Variants in DLGAP2 observed in about 807,000 individuals in gnomAD.
DLGAP2 encodes the protein DLG associated protein 2.
Under a neutral mutation model 100.3 loss-of-function variants are expected in DLGAP2, and 26 were observed. The observed-to-expected ratio is 0.26, with a 90% CI of 0.19 to 0.36. The LOEUF is 0.36. DLGAP2 is among the 10% of genes least tolerant of loss of function. The pLI, the probability that DLGAP2 is intolerant of heterozygous loss-of-function variation, is 1.00. For synonymous variants in DLGAP2, 886 were observed against 630.1 expected, an observed-to-expected ratio of 1.41 and a Z score of -6.08; for missense variants, 1,858 against 1,453.2, an observed-to-expected ratio of 1.28 and a Z score of -4.53.
chr8:1,506,198 A>G (rs1309273701), intron 4 of DLGAP2, among the ~76,000 whole-genome samples: 2 of 152,266 alleles, frequency 1.3e-5, no homozygotes, highest in African/African-American at 2.4e-5. Context: ...CTTGTCTCAC[A>G]GGAATTCCCC....
chr8:1,483,769 A>ACCAGGAAGGCAGGTGCAGAATG (rs1563176118), intron 3 of DLGAP2, among the ~76,000 whole-genome samples: 24 of 81,194 alleles, frequency 3.0e-4, no homozygotes, highest in African/African-American at 9.7e-4. Context: ...TGTGCAGGAC[A>ACCAGGAAGGCAGGTGCAGAATG]TGGGGACCAG....
intron 3 of DLGAP2, chr8:1,301,349 G>C (rs974931836): frequency 6.6e-6 from 1 of 152,232 alleles, no homozygotes; most frequent in East Asian, 1.9e-4. Flanking sequence ...GAGCTCCGGG[G>C]CCTAGGAGGC....
At chr8:753,571 C>G (rs1340543978) in intron 1 of DLGAP2, 1 of 152,240 alleles carries the variant, frequency 6.6e-6, no homozygotes, top group Admixed American at 6.5e-5. Flanking sequence ...GAGGGAGGCA[C>G]AGATGCCTGG....
intron 3 of DLGAP2, among the ~76,000 whole-genome samples, chr8:1,308,653 C>G (rs186724200): frequency 8.5e-5 from 13 of 152,214 alleles, no homozygotes; most frequent in African/African-American, 2.9e-4. Context: ...AGCCTCCTGA[C>G]TAGTTGGGAC....
chr8:1,250,557 T>G (rs1799016794), intron 2 of DLGAP2: 1 of 152,160 alleles, frequency 6.6e-6, no homozygotes, highest in African/African-American at 2.4e-5. Context: ...TGCGCTCACA[T>G]GAGGATCCTG....
intron 3 of DLGAP2, among the ~76,000 whole-genome samples, chr8:1,330,321 T>C (rs1355369627): frequency 3.4e-5 from 5 of 145,442 alleles, no homozygotes; most frequent in African/African-American, 1.3e-4. Context: ...GACTGAGTTC[T>C]GGGTGGGAGC....
At chr8:1,270,045 A>G (rs1037941060) in intron 3 of DLGAP2, among the ~76,000 whole-genome samples, 5 of 152,272 alleles carry the variant, frequency 3.3e-5, no homozygotes, top group African/African-American at 1.2e-4. Context: ...CTCAACATAC[A>G]GTAGCGGGTG....
At chr8:1,459,369 G>A (rs1473588992) in intron 3 of DLGAP2, among the ~76,000 whole-genome samples, 3 of 152,122 alleles carry the variant, frequency 2.0e-5, no homozygotes, top group Non-Finnish European at 4.4e-5. Flanking sequence ...ACCCTATTCT[G>A]CTGAGCATGT....
At chr8:1,060,113 T>C (rs935161565) in intron 2 of DLGAP2, among the ~76,000 whole-genome samples, 2 of 152,170 alleles carry the variant, frequency 1.3e-5, no homozygotes, top group African/African-American at 2.4e-5. Flanking sequence ...CAGGGTCAGA[T>C]GTGAACCACG....
At chr8:940,435 G>C (rs566195461) in intron 2 of DLGAP2, among the ~76,000 whole-genome samples, 1 of 152,110 alleles carries the variant, frequency 6.6e-6, no homozygotes, top group East Asian at 1.9e-4. Flanking sequence ...ATTTCACCCT[G>C]GGTGGTTCGT....
chr8:843,408 G>A (rs1290970261), intron 1 of DLGAP2, among the ~76,000 whole-genome samples: 1 of 152,206 alleles, frequency 6.6e-6, no homozygotes, highest in African/African-American at 2.4e-5. Flanking sequence ...TGTCTTTACG[G>A]GGAGACCCCT....
chr8:848,945 A>ACGCGCGGTGCCTGTTCCAGCATAGGAT (rs1563061958), intron 1 of DLGAP2, among the ~76,000 whole-genome samples: 2 of 90,120 alleles, frequency 2.2e-5, no homozygotes, highest in African/African-American at 7.5e-5. Flanking sequence ...CAGCATAGGA[A>ACGCGCGGTGCCTGTTCCAGCATAGGAT]CGCGCGGTGC....
intron 3 of DLGAP2, among the ~76,000 whole-genome samples, chr8:1,266,806 A>G (rs370179681): frequency 1.6e-4 from 25 of 152,240 alleles, no homozygotes; most frequent in African/African-American, 4.8e-4. Context: ...ATCGAGGAAT[A>G]CTTTGGAATA....
At chr8:1,210,099 G>T (rs868631491) in intron 2 of DLGAP2, among the ~76,000 whole-genome samples, 3 of 152,174 alleles carry the variant, frequency 2.0e-5, no homozygotes, top group Non-Finnish European at 2.9e-5. Context: ...CCCAGGTAGG[G>T]TGGGTGCTGG....
intron 2 of DLGAP2, among the ~76,000 whole-genome samples, chr8:1,028,439 C>T (rs1374902010): frequency 4.7e-5 from 7 of 149,936 alleles, no homozygotes; most frequent in Admixed American, 1.3e-4. Context: ...TGTCAGGCGC[C>T]CGTTATTCTC....
chr8:907,450 T>G (rs1480074899), intron 1 of DLGAP2, among the ~76,000 whole-genome samples: 1 of 152,248 alleles, frequency 6.6e-6, no homozygotes, highest in African/African-American at 2.4e-5. Flanking sequence ...AATACAGCCC[T>G]TACTTTCACA....
At chr8:1,335,714 G>A (rs1801258108) in intron 3 of DLGAP2, among the ~76,000 whole-genome samples, 1 of 152,218 alleles carries the variant, frequency 6.6e-6, no homozygotes, top group Non-Finnish European at 1.5e-5. Flanking sequence ...GCAGGACGCA[G>A]GACGCCCAGG....
intron 6 of DLGAP2, among the ~76,000 whole-genome samples, chr8:1,615,030 G>T (rs1797105744): frequency 6.6e-6 from 1 of 152,252 alleles, no homozygotes; most frequent in Admixed American, 6.5e-5. Context: ...AGGAACTGAA[G>T]CAGACAGCTG....
At chr8:1,044,225 C>G (rs113123130) in intron 2 of DLGAP2, among the ~76,000 whole-genome samples, 1 of 152,136 alleles carries the variant, frequency 6.6e-6, no homozygotes, top group Non-Finnish European at 1.5e-5. Flanking sequence ...ACCCAAAATA[C>G]GGCAAGTTGT....
Sources: allele counts gnomAD v4.1 joint callset (sites outside exome capture counted in the v4.1 genomes callset), GRCh38; gene constraint gnomAD v4.1.1; transcripts MANE v1.5; gene names NCBI Gene and HGNC (gene_info 2026-07-23, HGNC 2026-07-21).